Variants in ALMS1 observed in about 807,000 individuals in gnomAD.
The protein encoded by ALMS1 is ALMS1 centrosome and basal body associated protein.
Under a neutral mutation model 352.2 loss-of-function variants are expected in ALMS1, and 271 were observed. The observed-to-expected ratio is 0.77, with a 90% CI of 0.70 to 0.85. ALMS1 has a LOEUF of 0.85. Among genes scored for constraint, ALMS1 ranks in the 40% least tolerant of loss-of-function variants. The pLI is 0.00. For synonymous variants in ALMS1, 1,865 were observed against 1,761.2 expected (o/e 1.06, Z -1.48); for missense variants, 5,445 against 4,870.7 (o/e 1.12, Z -3.51).
intron 6 of ALMS1, among the ~76,000 whole-genome samples, chr2:73,427,129 A>G (rs752929817): frequency 3.3e-4 from 50 of 152,172 alleles, no homozygotes; most frequent in Non-Finnish European, 5.6e-4. Flanking sequence ...CAGTGTTAAG[A>G]TTAGGCTTAT....
chr2:73,530,254 T>G (rs1174109334), intron 11 of ALMS1, among the ~76,000 whole-genome samples: 1 of 152,142 alleles, frequency 6.6e-6, no homozygotes, highest in Non-Finnish European at 1.5e-5. Context: ...GTTAGTTAGT[T>G]CCAAGATACA....
chr2:73,542,237 C>T (rs1271340158), intron 12 of ALMS1, among the ~76,000 whole-genome samples: 5 of 152,148 alleles, frequency 3.3e-5, no homozygotes, highest in Admixed American at 3.3e-4. Flanking sequence ...TAAATGTAAT[C>T]CAGCATATAA....
Position 73,540,373 on chromosome 2 carries a change from G to T in ALMS1, c.9907+5424G>T, listed in dbSNP as rs535593052. 2.5e-3 allele frequency among the ~76,000 whole-genome samples: 382 copies of T among 152,236 alleles called. 1 individual carries two copies. Among genetic ancestry groups the T allele is most frequent in the South Asian group, 4.1e-3 (20 of 4,822 alleles). ...CTAAAAGAGCTCCTGAAGGAAGCACGAAACATGGAAAGGAACAACTGGTAC... is the reference window on the plus strand; with the variant it reads ...CTAAAAGAGCTCCTGAAGGAAGCACTAAACATGGAAAGGAACAACTGGTAC... On this transcript the variant is annotated intron_variant, in intron 12 of 22. Transcript: ENST00000613296.
chr2:73,542,227 T>A (rs951146138), intron 12 of ALMS1, among the ~76,000 whole-genome samples: 5 of 152,170 alleles, frequency 3.3e-5, no homozygotes, highest in Non-Finnish European at 5.9e-5. Flanking sequence ...CGTAAATCAC[T>A]AAATGTAATC....
intron 6 of ALMS1, among the ~76,000 whole-genome samples, chr2:73,428,928 A>C (rs1460306224): frequency 6.6e-6 from 1 of 152,144 alleles, no homozygotes; most frequent in Admixed American, 6.6e-5. Flanking sequence ...TCTACTCCTC[A>C]TAAATGATTA....
chr2:73,562,494 GGGACAGGCAGA>G (rs1220817256), intron 15 of ALMS1, among the ~76,000 whole-genome samples: 10 of 152,142 alleles, frequency 6.6e-5, no homozygotes, highest in Non-Finnish European at 1.5e-4. Flanking sequence ...AAAAGACAGG[GGGACAGGCAGA>G]GGACAGGGAG....
intron 2 of ALMS1, 108 bp from the exon 3 acceptor site, chr2:73,419,015 A>G (rs1435292189): frequency 7.6e-6 from 7 of 922,418 alleles, no homozygotes; most frequent in Middle Eastern, 3.2e-4. Flanking sequence ...TGAGAATGTC[A>G]TTAAATAGGA....
intron 9 of ALMS1, chr2:73,471,113 A>G (rs1011306447): frequency 1.3e-5 from 2 of 151,750 alleles, no homozygotes; most frequent in Non-Finnish European, 3.0e-5. Context: ...TGATAGGGAA[A>G]GACTTACTAG....
intron 10 of ALMS1, among the ~76,000 whole-genome samples, chr2:73,499,447 T>C (rs1378733777): frequency 1.3e-5 from 2 of 152,184 alleles, no homozygotes; most frequent in African/African-American, 4.8e-5. Flanking sequence ...CCTAAAGATT[T>C]TCCCTCATGT....
In ALMS1 at chr2:73,449,660, G is replaced by A; in HGVS notation, c.3133G>A (p.Val1045Ile). The part of the protein sequence containing the change: ...PADQKTEIPA[V>I]QSSSYPQREK... The stretch of plus-strand genomic sequence containing the variant: ...TGACCAGAAGACTGAGATACCAGCA[G>A]TACAGTCTAGTTCTTACCCACAGAG... Residue 1045 changes from valine (V) to isoleucine (I), a missense_variant, in exon 8 of 23, where the codon GTA becomes ATA. By Grantham distance (29) the Val-to-Ile change is conservative. Transcript: ENST00000613296. 3 of 1,613,972 alleles carry A rather than the reference G, an allele frequency of 1.9e-6. No homozygotes were observed. The highest frequency in any genetic ancestry group is 2.5e-6 in the Non-Finnish European group (3 of 1,179,922).
At chr2:73,414,174 TTTA>T (rs1235927835) in intron 2 of ALMS1, among the ~76,000 whole-genome samples, 8 of 152,162 alleles carry the variant, frequency 5.3e-5, no homozygotes, top group African/African-American at 1.9e-4. Context: ...GTTCTCTTAG[TTTA>T]TTATTTCTCT....
At chr2:73,560,699 A>C (rs1674641108) in intron 15 of ALMS1, among the ~76,000 whole-genome samples, 1 of 152,258 alleles carries the variant, frequency 6.6e-6, no homozygotes, top group Non-Finnish European at 1.5e-5. Context: ...TTGTCAATAA[A>C]GAAAGCATGT....
intron 20 of ALMS1, 98 bp from the exon 21 acceptor site, chr2:73,603,143 A>C: frequency 9.0e-7 from 1 of 1,107,668 alleles, no homozygotes; most frequent in Non-Finnish European, 1.4e-6. Flanking sequence ...AGCTCAGGGT[A>C]GGGGCACCAA....
intron 9 of ALMS1, among the ~76,000 whole-genome samples, chr2:73,465,177 C>G (rs537471785): frequency 2.5e-3 from 379 of 152,220 alleles, no homozygotes; most frequent in African/African-American, 8.6e-3. Flanking sequence ...CCTGCATCGC[C>G]AAGTCAATCC....
At chr2:73,435,756 T>A (rs770921921) in intron 7 of ALMS1, among the ~76,000 whole-genome samples, 2 of 152,138 alleles carry the variant, frequency 1.3e-5, no homozygotes, top group Non-Finnish European at 2.9e-5. Context: ...TACACTGAGC[T>A]AATTTTTCAA....
chr2:73,547,096 C>T (rs1358795596), intron 12 of ALMS1, among the ~76,000 whole-genome samples: 3 of 152,166 alleles, frequency 2.0e-5, no homozygotes, highest in South Asian at 2.1e-4. Context: ...CTATTTGATA[C>T]TGTATTATAA....
chr2:73,486,818 G>A (rs968510148), intron 9 of ALMS1, among the ~76,000 whole-genome samples: 3 of 152,216 alleles, frequency 2.0e-5, no homozygotes, highest in Admixed American at 6.5e-5. Flanking sequence ...GGGAGGCTGA[G>A]GCAGGAGGAT....
At chr2:73,425,384 T>C (rs1671359641) in intron 5 of ALMS1, among the ~76,000 whole-genome samples, 1 of 152,182 alleles carries the variant, frequency 6.6e-6, no homozygotes, top group African/African-American at 2.4e-5. Context: ...ATGTTATAGC[T>C]CCTGATAATT....
chr2:73,394,428 T>TG (rs373633827), intron 1 of ALMS1, among the ~76,000 whole-genome samples: 1 of 152,326 alleles, frequency 6.6e-6, no homozygotes, highest in African/African-American at 2.4e-5. Context: ...CTCAGCTCAC[T>TG]GAAACCTCTG....
Sources: gnomAD v4.1 joint callset for allele counts (sites outside exome capture counted in the v4.1 genomes callset) on GRCh38, gnomAD v4.1.1 for gene constraint, MANE v1.5 for transcripts, NCBI Gene and HGNC (gene_info 2026-07-23, HGNC 2026-07-21) for gene names.